Variants in HIVEP3 observed in about 807,000 individuals in gnomAD.
The protein encoded by HIVEP3 is HIVEP zinc finger 3.
In HIVEP3, 49 loss-of-function variants were observed where a neutral mutation model predicts 152.8. The observed-to-expected ratio is 0.32, with a 90% CI of 0.26 to 0.41. HIVEP3 has a LOEUF of 0.41. Among genes scored for constraint, HIVEP3 ranks in the 10% least tolerant of loss-of-function variants. The probability of loss-of-function intolerance (pLI) is 1.00; values close to 1 mark genes in which losing one functional copy is unlikely to be tolerated. For synonymous variants in HIVEP3, 1,269 were observed against 1,289.0 expected (o/e 0.98, Z 0.33); for missense variants, 2,790 against 3,103.3 (o/e 0.90, Z 2.40).
At chr1:41,805,465 G>A (rs1464667898) in intron 1 of HIVEP3, among the ~76,000 whole-genome samples, 1 of 152,230 alleles carries the variant, frequency 6.6e-6, no homozygotes, top group Non-Finnish European at 1.5e-5. Context: ...TCCATGGAAT[G>A]AGGAAGGCAG....
At chr1:41,939,972 A>C (rs1040823781) in intron 1 of HIVEP3, among the ~76,000 whole-genome samples, 1 of 151,116 alleles carries the variant, frequency 6.6e-6, no homozygotes, top group African/African-American at 2.4e-5. Context: ...ATTTGATCAC[A>C]TTATTGATTA....
chr1:41,733,035 T>C lies in HIVEP3; in HGVS notation c.-800-32040A>G, dbSNP rs1401271247. Among the ~76,000 whole-genome samples the C allele has an allele frequency of 4.6e-5, 7 of 152,286 alleles. No homozygotes were observed. The East Asian group carries it at 1.2e-3, about 25-fold the overall frequency. ...ATAAACCAGCAGATGCAGAACTCCA[T>C]CCTGCAAACACAAAGCAGTTCAGAG... On this transcript the variant is annotated intron_variant, in intron 1 of 8. Coordinates refer to ENST00000372583, the MANE Select transcript of HIVEP3 (RefSeq NM_024503.5).
intron 1 of HIVEP3, among the ~76,000 whole-genome samples, chr1:41,953,652 A>C (rs577776771): frequency 8.5e-4 from 130 of 152,348 alleles, no homozygotes; most frequent in South Asian, 7.5e-3. Flanking sequence ...GAATGAGTAC[A>C]TGAATGAATG....
At chr1:41,604,940 CA>C (rs1046482913) in intron 3 of HIVEP3, among the ~76,000 whole-genome samples, 9 of 151,384 alleles carry the variant, frequency 5.9e-5, no homozygotes, top group African/African-American at 2.2e-4. Context: ...CTCATCTCTA[CA>C]AAAAATAAAT....
intron 1 of HIVEP3, among the ~76,000 whole-genome samples, chr1:41,854,288 G>A (rs1380662570): frequency 2.6e-5 from 4 of 152,166 alleles, no homozygotes; most frequent in East Asian, 1.9e-4. Flanking sequence ...CCTGCTAAGG[G>A]GCTGACTGCA....
chr1:41,702,485 T>C (rs1646377832), intron 1 of HIVEP3, among the ~76,000 whole-genome samples: 1 of 152,256 alleles, frequency 6.6e-6, no homozygotes, highest in Non-Finnish European at 1.5e-5. Flanking sequence ...TTTGTTTCCC[T>C]GTATGTAAAA....
chr1:41,575,139 G>A (rs1373564287), intron 5 of HIVEP3, among the ~76,000 whole-genome samples: 1 of 152,208 alleles, frequency 6.6e-6, no homozygotes, highest in African/African-American at 2.4e-5. Context: ...AACCAGACAT[G>A]CCAAGATGGC....
chr1:41,596,059 T>C (rs1186766762), intron 3 of HIVEP3, among the ~76,000 whole-genome samples: 4 of 152,206 alleles, frequency 2.6e-5, no homozygotes, highest in African/African-American at 7.2e-5. Flanking sequence ...ACAGGAAATG[T>C]TTCAGGGCTC....
At chr1:41,798,476 G>A (rs1386636730) in intron 1 of HIVEP3, among the ~76,000 whole-genome samples, 3 of 152,132 alleles carry the variant, frequency 2.0e-5, no homozygotes, top group African/African-American at 7.2e-5. Flanking sequence ...TAAAGCCATA[G>A]GCTGATGCCA....
In HIVEP3 at chr1:41,956,419, C is replaced by T. The variant is rs931095705; in HGVS notation, n.120-37895G>A. 3.2e-4 allele frequency among the ~76,000 whole-genome samples: 49 copies of T among 152,294 alleles called. 1 individual carries two copies. The highest frequency in any genetic ancestry group is 1.1e-3 in the African/African-American group (45 of 41,558). On this transcript the variant is annotated intron_variant and non_coding_transcript_variant, in intron 1 of 3. Coordinates refer to the HIVEP3 transcript ENST00000489103. ...TCCTAAGCAAGAAAAACAATACTCC[C>T]TAGGTCAGGATCTCTGTAGAGCACC...
At position 41,512,934 on chromosome 1, in the gene HIVEP3, C is replaced by T. The variant is rs775396284; in HGVS notation, c.6287G>A (p.Ser2096Asn). The T allele has an allele frequency of 1.9e-6, 3 of 1,601,366 alleles. No homozygotes were observed. The highest frequency in any genetic ancestry group is 4.5e-5 in the East Asian group (2 of 44,146). ...TGGGCCATGCTCCCCCGCTGAGGGG[C>T]TGCCCGGCCCAGCCAAGGCCCACTT... ...PGKWALAGPG[S>N]PSAGEHGPGL... Residue 2096 changes from serine to asparagine, a missense_variant, in exon 8 of 9, where the codon AGC becomes AAC. By Grantham distance (46) the Ser-to-Asn change is conservative. Coordinates refer to ENST00000372583, the MANE Select transcript of HIVEP3 (RefSeq NM_024503.5).
intron 4 of HIVEP3, 125 bp from the exon 5 acceptor site, chr1:41,575,814 C>T: frequency 9.9e-7 from 1 of 1,010,026 alleles, no homozygotes; most frequent in Non-Finnish European, 1.4e-6. Context: ...CTTCACACTC[C>T]CCCATGAAGA....
At chr1:41,772,345 C>T (rs949174669) in intron 1 of HIVEP3, among the ~76,000 whole-genome samples, 2 of 152,162 alleles carry the variant, frequency 1.3e-5, no homozygotes, top group Non-Finnish European at 2.9e-5. Flanking sequence ...ATGAGATGTG[C>T]CCTCCTTCCT....
chr1:41,652,278 C>G (rs943309002), intron 2 of HIVEP3, among the ~76,000 whole-genome samples: 1 of 152,194 alleles, frequency 6.6e-6, no homozygotes, highest in Non-Finnish European at 1.5e-5. Context: ...AAAATTCCCC[C>G]TTAAAATTTC....
At chr1:41,912,170 T>C (rs1402652274) in intron 1 of HIVEP3, among the ~76,000 whole-genome samples, 1 of 152,094 alleles carries the variant, frequency 6.6e-6, no homozygotes, top group Non-Finnish European at 1.5e-5. Flanking sequence ...GTCCAGAAGA[T>C]GGTAATCCCT....
Position 41,522,378 on chromosome 1 carries a change from C to T in HIVEP3, c.5383+2357G>A, listed in dbSNP as rs190951582. On this transcript the variant is annotated intron_variant, in intron 6 of 8. Transcript: ENST00000372583. Reference sequence around the variant, plus strand: ...CTATTAGTCAAACAGTTTCAGATTCCACCATTTCCCATCTGCTCCCTTCGT... The same window carrying T: ...CTATTAGTCAAACAGTTTCAGATTCTACCATTTCCCATCTGCTCCCTTCGT... Among the ~76,000 whole-genome samples the T allele has an allele frequency of 6.1e-4, 93 of 152,366 alleles. 1 individual carries two copies. Among genetic ancestry groups the T allele is most frequent in the Admixed American group, 1.0e-3 (16 of 15,310 alleles).
chr1:41,598,424 C>T (rs1643152260), intron 3 of HIVEP3, among the ~76,000 whole-genome samples: 1 of 152,218 alleles, frequency 6.6e-6, no homozygotes, highest in Non-Finnish European at 1.5e-5. Context: ...CACACACACA[C>T]TATAAGATGA....
At chr1:41,601,616 A>AT (rs1294649279) in intron 3 of HIVEP3, among the ~76,000 whole-genome samples, 1 of 152,186 alleles carries the variant, frequency 6.6e-6, no homozygotes, top group Non-Finnish European at 1.5e-5. Context: ...ACTTTACTAA[A>AT]TTTGTTAATT....
rs1342390652 is a variant in HIVEP3 at position 41,873,303 on chromosome 1, G to C, written c.-801+45110C>G. On this transcript the variant is annotated intron_variant, in intron 1 of 8. Transcript: ENST00000372583. This position sits in a 1 kb window ranked among gnomAD's most constrained non-coding sequence, Gnocchi z 4.2. ...CTGTTGCCAGCAGAATTTTCTAGGA[G>C]AGACAGGACTTGGGGGTACCACTAG... Among the ~76,000 whole-genome samples, 1 of 152,226 alleles carries C rather than the reference G, an allele frequency of 6.6e-6. No individual in the cohort carries two copies. The highest frequency in any genetic ancestry group is 1.5e-5 in the Non-Finnish European group (1 of 68,046).
Sources: gnomAD v4.1 joint callset for allele counts (sites outside exome capture counted in the v4.1 genomes callset) on GRCh38, gnomAD v4.1.1 for gene constraint, Gnocchi (gnomAD v3.1) non-coding constraint, MANE v1.5 for transcripts, NCBI Gene and HGNC (gene_info 2026-07-23, HGNC 2026-07-21) for gene names.